SH3BGRL2: variants seen among roughly 807,000 people sequenced by gnomAD.
SH3BGRL2 encodes the protein SH3 domain binding glutamate rich protein like 2.
In SH3BGRL2, 21 loss-of-function variants were observed where a neutral mutation model predicts 14.8. The observed-to-expected ratio is 1.42, with a 90% CI of 1.01 to 2.05. SH3BGRL2 has a LOEUF of 2.05. Among genes scored for constraint, SH3BGRL2 ranks in the 30% most tolerant of loss-of-function variants. SH3BGRL2 has a pLI of 0.00. For synonymous variants in SH3BGRL2, 50 were observed against 47.8 expected (o/e 1.05, Z -0.19); for missense variants, 147 against 130.8 (o/e 1.12, Z -0.61).
chr6:79,691,506 TCCCCACA>T (rs1770214750), intron 2 of SH3BGRL2, among the ~76,000 whole-genome samples: 1 of 80,728 alleles, frequency 1.2e-5, no homozygotes, highest in Non-Finnish European at 2.2e-5. Flanking sequence ...CCCTCCCCCC[TCCCCACA>T]CCCCACAACA....
At chr6:79,671,298 C>T (rs1312504829) in intron 1 of SH3BGRL2, among the ~76,000 whole-genome samples, 3 of 152,106 alleles carry the variant, frequency 2.0e-5, no homozygotes, top group Admixed American at 2.0e-4. Flanking sequence ...GAAACCCCAT[C>T]TCTACTGAAA....
chr6:79,539,795 C>T, the SH3BGRL2 span, among the ~76,000 whole-genome samples: 1 of 152,120 alleles, frequency 6.6e-6, no homozygotes, highest in Non-Finnish European at 1.5e-5. Context: ...AGAGAAATTA[C>T]AATGACCATA....
intron 1 of SH3BGRL2, among the ~76,000 whole-genome samples, chr6:79,672,166 C>T (rs1426048051): frequency 6.6e-6 from 1 of 152,130 alleles, no homozygotes; most frequent in Non-Finnish European, 1.5e-5. Flanking sequence ...CCAAGCTGTT[C>T]TGTGGAAGCT....
At chr6:79,593,377 G>C in the SH3BGRL2 span, among the ~76,000 whole-genome samples, 5 of 152,294 alleles carry the variant, frequency 3.3e-5, no homozygotes, top group East Asian at 9.7e-4. Flanking sequence ...TGAGGGACAA[G>C]GTAACATGGG....
chr6:79,579,345 T>C, the SH3BGRL2 span, among the ~76,000 whole-genome samples: 1 of 152,086 alleles, frequency 6.6e-6, no homozygotes, highest in Non-Finnish European at 1.5e-5. Context: ...GACGCATAAT[T>C]GTCAGATTCA....
At chr6:79,648,875 A>T (rs1427679167) in intron 1 of SH3BGRL2, among the ~76,000 whole-genome samples, 1 of 152,212 alleles carries the variant, frequency 6.6e-6, no homozygotes, top group Non-Finnish European at 1.5e-5. Context: ...CTGCTCTTAA[A>T]TAAGTGGCAG....
the SH3BGRL2 span, among the ~76,000 whole-genome samples, chr6:79,602,406 A>C: frequency 6.6e-6 from 1 of 152,228 alleles, no homozygotes; most frequent in African/African-American, 2.4e-5. Flanking sequence ...CTTATAGATA[A>C]GATTCAGGGA....
chr6:79,697,576 C>T (rs1251656795), intron 3 of SH3BGRL2, among the ~76,000 whole-genome samples: 1 of 152,146 alleles, frequency 6.6e-6, no homozygotes, highest in Non-Finnish European at 1.5e-5. Context: ...CAGTGCATAG[C>T]CAATGTGAAA....
the SH3BGRL2 span, among the ~76,000 whole-genome samples, chr6:79,575,981 G>A: frequency 6.6e-6 from 1 of 152,028 alleles, no homozygotes; most frequent in East Asian, 1.9e-4. Context: ...AAGGAAGTTA[G>A]AAATTCTATT....
chr6:79,662,924 C>A lies in SH3BGRL2; in HGVS notation c.46-10690C>A, dbSNP rs139873952. On this transcript the variant is annotated intron_variant, in intron 1 of 3. Coordinates refer to ENST00000369838, the MANE Select transcript of SH3BGRL2 (RefSeq NM_031469.4). ...TCTTCAATCACTGATATCCTTTCTT[C>A]CACTTGATCAAATCGGCTGTTGAAG... 8.5e-3 allele frequency among the ~76,000 whole-genome samples: 1,296 copies of A among 152,220 alleles called. 9 individuals carry two copies. Among genetic ancestry groups the A allele is most frequent in the Non-Finnish European group, 0.013 (895 of 68,016 alleles).
At chr6:79,569,126 A>G in the SH3BGRL2 span, among the ~76,000 whole-genome samples, 4 of 152,192 alleles carry the variant, frequency 2.6e-5, no homozygotes, top group African/African-American at 9.6e-5. Flanking sequence ...TACGATATAC[A>G]TTGGTTCTGT....
In SH3BGRL2 at chr6:79,647,593, C is replaced by T. The variant is rs146491508; in HGVS notation, c.45+16087C>T. The stretch of plus-strand genomic sequence containing the variant: ...AGATGATCATAGAAAATTGGTACAA[C>T]ACAGGCTCATATGGAATATAATCCT... On this transcript the variant is annotated intron_variant, in intron 1 of 3. Coordinates refer to ENST00000369838, the MANE Select transcript of SH3BGRL2 (RefSeq NM_031469.4). 2.3e-3 allele frequency among the ~76,000 whole-genome samples: 350 copies of T among 152,106 alleles called. 3 individuals are homozygous for T. The highest frequency in any genetic ancestry group is 7.7e-3 in the African/African-American group (321 of 41,492).
intron 1 of SH3BGRL2, among the ~76,000 whole-genome samples, chr6:79,632,066 C>T (rs915343559): frequency 2.6e-5 from 4 of 152,118 alleles, no homozygotes; most frequent in Non-Finnish European, 5.9e-5. Flanking sequence ...GGATTGTTTG[C>T]TTTCACTGTC....
chr6:79,611,504 G>A, the SH3BGRL2 span, among the ~76,000 whole-genome samples: 4 of 151,660 alleles, frequency 2.6e-5, no homozygotes, highest in African/African-American at 7.3e-5. Context: ...CCACCTCCTG[G>A]GTTCAAGCAG....
At chr6:79,564,839 T>C in the SH3BGRL2 span, among the ~76,000 whole-genome samples, 3 of 152,170 alleles carry the variant, frequency 2.0e-5, no homozygotes, top group Admixed American at 2.0e-4. Context: ...AACTTTCTCT[T>C]TGATATCTGA....
chr6:79,694,458 C>T (rs752485250), intron 2 of SH3BGRL2, among the ~76,000 whole-genome samples: 5 of 152,124 alleles, frequency 3.3e-5, no homozygotes, highest in African/African-American at 4.8e-5. Context: ...TGAGATTTTG[C>T]CTGTATTTCA....
Position 79,669,265 on chromosome 6 carries a change from TAGAG to T in SH3BGRL2, c.46-4346_46-4343del, listed in dbSNP as rs572024355. On this transcript the variant is annotated intron_variant, in intron 1 of 3. Transcript: ENST00000369838. ...GGCAATAAAACTTCAGCAAGGTTGTTAGAGAGGGCTCTTTGAAGAGGTGATACTT... is the reference window on the plus strand; with the variant it reads ...GGCAATAAAACTTCAGCAAGGTTGTTAGGGCTCTTTGAAGAGGTGATACTT... 2.7e-3 allele frequency among the ~76,000 whole-genome samples: 406 copies of T among 152,204 alleles called. 4 individuals are homozygous for T. The highest frequency in any genetic ancestry group is 9.3e-3 in the African/African-American group (385 of 41,540).
rs527548310 is a variant in SH3BGRL2 at position 79,700,416 on chromosome 6, G to T, written c.*907G>T. ...AGCTGCTGCTTCTATTTTGTGAAGG[G>T]ACTATATTTTTTGAGAAAGGAAAAT... On this transcript the variant is annotated 3_prime_UTR_variant, in exon 4 of 4. Transcript: ENST00000369838. The T allele has an allele frequency of 2.6e-5, 4 of 152,056 alleles. No individual in the cohort carries two copies. Among genetic ancestry groups the T allele is most frequent in the Non-Finnish European group, 5.9e-5 (4 of 68,014 alleles). The allele number at this position is 152,056 out of a possible 1,614,324, so 9.4% of individuals were successfully genotyped here. A position where few individuals can be genotyped will look rare whatever the true frequency, so the allele number is the denominator to read the frequency against.
chr6:79,611,371 A>G, the SH3BGRL2 span, among the ~76,000 whole-genome samples: 1 of 151,472 alleles, frequency 6.6e-6, no homozygotes, highest in Non-Finnish European at 1.5e-5. Context: ...TGAAGGTTAA[A>G]TCAATTGATC....
Sources: gnomAD v4.1 joint callset for allele counts (sites outside exome capture counted in the v4.1 genomes callset) on GRCh38, gnomAD v4.1.1 for gene constraint, MANE v1.5 for transcripts, NCBI Gene and HGNC (gene_info 2026-07-23, HGNC 2026-07-21) for gene names.